Variants in FYTTD1 observed in about 807,000 individuals in gnomAD.
FYTTD1 encodes the protein forty-two-three domain containing 1.
FYTTD1 carries 22 observed loss-of-function variants against 40.9 expected under a neutral mutation model. The ratio of observed to expected loss-of-function variants is 0.54; its 90% confidence interval spans 0.38 to 0.77. The LOEUF is 0.77. Ranked by LOEUF, FYTTD1 falls within the 30% of genes least tolerant of loss-of-function variation. The pLI is 0.00. For synonymous variants in FYTTD1, 140 were observed against 137.9 expected (o/e 1.01, Z -0.10); for missense variants, 351 against 392.2 (o/e 0.90, Z 0.89).
intron 2 of FYTTD1, among the ~76,000 whole-genome samples, chr3:197,764,735 C>G (rs77457467): frequency 0.036 from 5,190 of 144,492 alleles, 354 homozygotes; most frequent in African/African-American, 0.13. Flanking sequence ...GCAGAGGAGG[C>G]AACACCTTGG....
intron 2 of FYTTD1, among the ~76,000 whole-genome samples, chr3:197,765,450 G>C (rs1373053546): frequency 6.6e-6 from 1 of 152,074 alleles, no homozygotes; most frequent in African/African-American, 2.4e-5. Context: ...CAAATAGCAA[G>C]TCATTGTATA....
At chr3:197,758,790 A>G (rs189295264) in intron 2 of FYTTD1, among the ~76,000 whole-genome samples, 269 of 152,354 alleles carry the variant, frequency 1.8e-3, no homozygotes, top group African/African-American at 6.1e-3. Flanking sequence ...ATTGGCTAGG[A>G]AAAAGTTCAG....
intron 6 of FYTTD1, 79 bp from the exon 7 acceptor site, chr3:197,776,848 A>G (rs952527760): frequency 2.2e-6 from 2 of 918,464 alleles, no homozygotes; most frequent in African/African-American, 1.7e-5. Flanking sequence ...GCTACTTTTA[A>G]TGTTCATTTT....
intron 2 of FYTTD1, among the ~76,000 whole-genome samples, chr3:197,764,210 T>G (rs1032819444): frequency 1.3e-5 from 2 of 152,230 alleles, no homozygotes; most frequent in Non-Finnish European, 2.9e-5. Flanking sequence ...TAGTACCCCT[T>G]CATAGTGCTT....
intron 6 of FYTTD1, 109 bp from the exon 7 acceptor site, chr3:197,776,818 C>G: frequency 1.4e-6 from 1 of 695,822 alleles, no homozygotes; most frequent in Admixed American, 2.8e-5. Context: ...TTATTTCTTA[C>G]AAGCTAAGAA....
intron 2 of FYTTD1, among the ~76,000 whole-genome samples, chr3:197,758,970 G>A (rs1729286491): frequency 1.3e-5 from 2 of 152,188 alleles, no homozygotes; most frequent in South Asian, 4.1e-4. Context: ...GTAAATACTT[G>A]GAGAAACAAC....
chr3:197,775,784 A>G (rs1161721815), intron 6 of FYTTD1, among the ~76,000 whole-genome samples: 2 of 152,246 alleles, frequency 1.3e-5, no homozygotes, highest in Admixed American at 1.3e-4. Context: ...ACCATGGGGA[A>G]AGAAATAATA....
At chr3:197,754,691 G>C (rs1261826544) in intron 1 of FYTTD1, among the ~76,000 whole-genome samples, 1 of 141,240 alleles carries the variant, frequency 7.1e-6, no homozygotes, top group Non-Finnish European at 1.5e-5. Context: ...TTGAAAGACA[G>C]TCTTGCTCTG....
At chr3:197,765,639 A>T (rs1729521411) in intron 2 of FYTTD1, among the ~76,000 whole-genome samples, 1 of 152,086 alleles carries the variant, frequency 6.6e-6, no homozygotes, top group Admixed American at 6.6e-5. Flanking sequence ...AGGCAGGCAG[A>T]TCACCTGAGG....
At position 197,770,217 on chromosome 3, in the gene FYTTD1, T is replaced by A. The variant is rs1412037391; in HGVS notation, c.470T>A (p.Leu157His). The A allele has an allele frequency of 6.2e-7, 1 of 1,611,614 alleles. No homozygotes were observed. The highest frequency in any genetic ancestry group is 8.5e-7 in the Non-Finnish European group (1 of 1,178,238). Residue 157 changes from leucine to histidine, a missense_variant, in exon 4 of 9, where the codon CTC (leucine) becomes CAC (histidine). Physicochemically the swap from Leu to His is moderately conservative, Grantham distance 99. Coordinates refer to ENST00000241502, the MANE Select transcript of FYTTD1 (RefSeq NM_032288.7). ...GGGCAGAGGAAACCAGTAGCAGTTC[T>A]CAAGAGACCTAGCCAGCTAAGCAGA... ...NEGQRKPVAVLKRPSQLSRKN... is the reference protein window; with the variant it reads ...NEGQRKPVAVHKRPSQLSRKN...
intron 4 of FYTTD1, among the ~76,000 whole-genome samples, chr3:197,771,709 G>A (rs556369975): frequency 5.7e-4 from 85 of 149,034 alleles, no homozygotes; most frequent in African/African-American, 2.1e-3. Flanking sequence ...CCCGGGAGGC[G>A]GAGCTTGCAG....
chr3:197,770,172 A>G lies in FYTTD1; in HGVS notation c.425A>G (p.Asn142Ser). 1.2e-6 allele frequency: 2 copies of G among 1,612,624 alleles called. No individual in the cohort carries two copies. Among genetic ancestry groups the G allele is most frequent in the South Asian group, 1.1e-5 (1 of 90,776 alleles). Residue 142 changes from asparagine (N) to serine (S), a missense_variant, in exon 4 of 9, where the codon AAC becomes AGC. Asn to Ser is a conservative substitution (Grantham distance 46). Coordinates refer to ENST00000241502, the MANE Select transcript of FYTTD1 (RefSeq NM_032288.7). ...TTTCCAGTGTTAAAAAGGAAGGCAAACCTTCTGAGACAAAATGAAGGGCAG... is the reference window on the plus strand; with the variant it reads ...TTTCCAGTGTTAAAAAGGAAGGCAAGCCTTCTGAGACAAAATGAAGGGCAG... ...QYFPVLKRKA[N>S]LLRQNEGQRK...
In FYTTD1 at chr3:197,783,736, CAA is replaced by C. The variant is rs1730088691; in HGVS notation, c.*1828_*1829del. 6.6e-6 allele frequency: 1 copy of C among 152,226 alleles called. No individual in the cohort carries two copies. The highest frequency in any genetic ancestry group is 1.5e-5 in the Non-Finnish European group (1 of 68,032). 9.4% of individuals were successfully genotyped at this position (152,226 alleles called of 1,614,324 possible). ...TAAAGCAAGGAAAAGCAGCTGAGCT[CAA>C]GTTTGCTGTCTTTAGAATGGTTTGT... On this transcript the variant is annotated 3_prime_UTR_variant, in exon 9 of 9. Transcript: ENST00000241502.
chr3:197,767,474 CTTAT>C (rs1396977277), intron 2 of FYTTD1, among the ~76,000 whole-genome samples: 1 of 145,068 alleles, frequency 6.9e-6, no homozygotes, highest in East Asian at 2.0e-4. Flanking sequence ...AAAGTATTTA[CTTAT>C]TTATTTATAT....
intron 2 of FYTTD1, among the ~76,000 whole-genome samples, chr3:197,767,705 T>C (rs7615171): frequency 0.84 from 127,482 of 152,024 alleles, 53,639 homozygotes; most frequent in East Asian, 0.99. Flanking sequence ...CTTCTTCCCT[T>C]GGCCTCCCAA....
intron 6 of FYTTD1, among the ~76,000 whole-genome samples, chr3:197,774,594 A>G (rs1447496591): frequency 4.2e-4 from 54 of 129,828 alleles, no homozygotes; most frequent in African/African-American, 1.1e-3. Flanking sequence ...TAGCTCGATG[A>G]CCAGTGCACA....
chr3:197,771,756 G>A (rs1321338647), intron 4 of FYTTD1, among the ~76,000 whole-genome samples: 4 of 110,468 alleles, frequency 3.6e-5, no homozygotes, highest in East Asian at 2.8e-4. Flanking sequence ...CAGCCTGGGC[G>A]ACAGAGCGAG....
At chr3:197,778,197 C>T (rs1729928781) in intron 7 of FYTTD1, 141 bp from the exon 8 acceptor site, 2 of 533,902 alleles carry the variant, frequency 3.7e-6, no homozygotes, top group Non-Finnish European at 6.5e-6. Flanking sequence ...CTAGAGTAGC[C>T]AGTGAAACTT....
At chr3:197,750,681 G>C in intron 1 of FYTTD1, 1 of 985,488 alleles carries the variant, frequency 1.0e-6, no homozygotes, top group Non-Finnish European at 1.2e-6. Flanking sequence ...AGCAGCGCTC[G>C]GCCGCCTGTG....
Sources: allele counts gnomAD v4.1 joint callset (sites outside exome capture counted in the v4.1 genomes callset), GRCh38; gene constraint gnomAD v4.1.1; transcripts MANE v1.5; gene names NCBI Gene and HGNC (gene_info 2026-07-23, HGNC 2026-07-21).